Variants in PTER observed in about 807,000 individuals in gnomAD.
PTER encodes the protein N-acetyltaurine hydrolase.
A neutral mutation model predicts 29.6 loss-of-function variants in PTER; 38 were observed. The ratio of observed to expected loss-of-function variants is 1.28; its 90% CI spans 0.99 to 1.68. PTER has a LOEUF of 1.68. Ranked by LOEUF, PTER falls within the 40% of genes most tolerant of loss-of-function variation. PTER has a pLI of 0.00. For missense variants in PTER, 482 were observed against 427.8 expected (o/e 1.13, Z -1.12); for synonymous variants, 172 against 154.5 (o/e 1.11, Z -0.84).
chr10:16,443,780 G>A (rs539400503), intron 1 of PTER, among the ~76,000 whole-genome samples: 7 of 152,176 alleles, frequency 4.6e-5, no homozygotes, highest in Admixed American at 6.5e-5. Context: ...TTTCCTCTCC[G>A]AATCAGAAAC....
Position 16,446,238 on chromosome 10 carries a change from G to T in PTER, c.-49+9191G>T, listed in dbSNP as rs574264079. ...CCCCAACATTTTTTTTTTTTTTTGAGATAGAGTTGGTCTGTCGCCCAGGCT... is the reference window on the plus strand; with the variant it reads ...CCCCAACATTTTTTTTTTTTTTTGATATAGAGTTGGTCTGTCGCCCAGGCT... On this transcript the variant is annotated intron_variant, in intron 1 of 4. Transcript: ENST00000535784. 5.4e-4 allele frequency among the ~76,000 whole-genome samples: 79 copies of T among 146,658 alleles called. 1 individual carries two copies. The highest frequency in any genetic ancestry group is 6.0e-4 in the Non-Finnish European group (40 of 67,012).
chr10:16,481,484 A>G (rs753612017), intron 1 of PTER, among the ~76,000 whole-genome samples: 4 of 151,950 alleles, frequency 2.6e-5, no homozygotes, highest in Admixed American at 1.3e-4. Flanking sequence ...ACTCCACCCC[A>G]CTCAAAGACA....
chr10:16,440,032 A>AGT (rs1833790523), intron 1 of PTER, among the ~76,000 whole-genome samples: 1 of 147,926 alleles, frequency 6.8e-6, no homozygotes, highest in Non-Finnish European at 1.5e-5. Flanking sequence ...TGTTGTTTCT[A>AGT]GTGTATTTTC....
At chr10:16,477,239 G>A (rs1835302307) in intron 1 of PTER, among the ~76,000 whole-genome samples, 1 of 145,660 alleles carries the variant, frequency 6.9e-6, no homozygotes, top group African/African-American at 2.6e-5. Context: ...GATGTGAACT[G>A]GAAATTCATT....
chr10:16,474,155 T>A (rs1185859714), intron 1 of PTER, among the ~76,000 whole-genome samples: 6 of 152,136 alleles, frequency 3.9e-5, no homozygotes, highest in Admixed American at 3.9e-4. Context: ...AGTTAGACCC[T>A]TAACAGCCCA....
chr10:16,453,640 TAGTAA>T (rs1834291668), intron 1 of PTER, among the ~76,000 whole-genome samples: 1 of 152,236 alleles, frequency 6.6e-6, no homozygotes, highest in Non-Finnish European at 1.5e-5. Context: ...ACTAAGTTTA[TAGTAA>T]AGTAAATACT....
intron 3 of PTER, 66 bp downstream of exon 3, chr10:16,486,683 T>G: frequency 6.7e-7 from 1 of 1,493,550 alleles, no homozygotes; most frequent in Non-Finnish European, 9.0e-7. Context: ...AAATTAAGAA[T>G]CTACAGTAAT....
chr10:16,438,146 C>T (rs1833717939), intron 1 of PTER, among the ~76,000 whole-genome samples: 1 of 150,842 alleles, frequency 6.6e-6, no homozygotes, highest in Admixed American at 6.6e-5. Flanking sequence ...GCTGGGACTA[C>T]AGGCGCGCTC....
intron 1 of PTER, among the ~76,000 whole-genome samples, chr10:16,483,532 T>C (rs1835561771): frequency 1.3e-5 from 2 of 152,038 alleles, no homozygotes; most frequent in South Asian, 4.2e-4. Context: ...TTTGTTTGCT[T>C]GGGTAGTGGA....
chr10:16,514,796 G>A (rs1836923156), downstream of PTER: 1 of 937,712 alleles, frequency 1.1e-6, no homozygotes, highest in African/African-American at 1.7e-5. Context: ...AAGCTGACTT[G>A]CTGCCATAGT....
In PTER at chr10:16,505,100, T is replaced by C. The variant is rs1208496681; in HGVS notation, c.779T>C (p.Leu260Pro). 1.2e-6 allele frequency: 2 copies of C among 1,614,054 alleles called. No homozygotes were observed. Among genetic ancestry groups the C allele is most frequent in the Admixed American group, 1.7e-5 (1 of 60,032 alleles). The change falls in exon 4 of 5, where the codon CTA becomes CCA. Residue 260 changes from leucine (L) to proline (P), a missense_variant. Physicochemically the swap from Leu to Pro is moderately conservative, Grantham distance 98. Coordinates refer to ENST00000535784, the MANE Select transcript of PTER (RefSeq NM_001261836.2). ...YLEYDLFGTELLHYQLGPDID... is the reference protein window; with the variant it reads ...YLEYDLFGTEPLHYQLGPDID... ...GAATATGATCTCTTTGGTACTGAAC[T>C]ACTTCATTACCAACTCGGCCCAGAT...
chr10:16,442,953 C>T (rs1833897301), intron 1 of PTER, among the ~76,000 whole-genome samples: 2 of 152,074 alleles, frequency 1.3e-5, no homozygotes, highest in African/African-American at 4.8e-5. Context: ...GCCTGGGTGA[C>T]AGAGTGATAC....
chr10:16,505,585 T>A (rs768283671), intron 4 of PTER, among the ~76,000 whole-genome samples: 2 of 152,228 alleles, frequency 1.3e-5, no homozygotes, highest in Non-Finnish European at 2.9e-5. Context: ...AAAAAGGTGA[T>A]TTCAAGTTAA....
intron 1 of PTER, among the ~76,000 whole-genome samples, chr10:16,462,028 C>T (rs914487565): frequency 6.6e-6 from 1 of 151,520 alleles, no homozygotes; most frequent in African/African-American, 2.4e-5. Context: ...TCTTGTCACC[C>T]AGGCTGGAGT....
intron 2 of PTER, among the ~76,000 whole-genome samples, chr10:16,485,979 A>G (rs1204357714): frequency 6.6e-6 from 1 of 152,160 alleles, no homozygotes; most frequent in Non-Finnish European, 1.5e-5. Context: ...TACACGGGAC[A>G]TAGATTCAAT....
intron 1 of PTER, among the ~76,000 whole-genome samples, chr10:16,439,988 A>G (rs1465481948): frequency 1.3e-5 from 2 of 151,998 alleles, no homozygotes; most frequent in Non-Finnish European, 2.9e-5. Flanking sequence ...ATATTTTCAT[A>G]CATCAAATGT....
intron 2 of PTER, among the ~76,000 whole-genome samples, chr10:16,485,288 A>T (rs1279613020): frequency 6.6e-6 from 1 of 152,174 alleles, no homozygotes; most frequent in Admixed American, 6.5e-5. Context: ...AATATGTTTC[A>T]GTTTCCTTTC....
At chr10:16,465,225 A>T (rs2078518) in intron 1 of PTER, among the ~76,000 whole-genome samples, 3 of 151,918 alleles carry the variant, frequency 2.0e-5, no homozygotes, top group Non-Finnish European at 1.5e-5. Context: ...AAAAACGATG[A>T]GTGACTCATT....
Position 16,488,207 on chromosome 10 carries a change from A to G in PTER, c.698+1590A>G, listed in dbSNP as rs1835773635. On this transcript the variant is annotated intron_variant, in intron 3 of 4. Transcript: ENST00000535784. ...TGATAAAGTAGAGGCATGCTTCTAT[A>G]TACTGGTCACAGAGACAATGCATCA... Among the ~76,000 whole-genome samples, 9 of 152,312 alleles carry G rather than the reference A, an allele frequency of 5.9e-5. No individual in the cohort carries two copies. The South Asian group carries it at 1.9e-3, about 32-fold the overall frequency.
Sources: gnomAD v4.1 joint callset for allele counts (sites outside exome capture counted in the v4.1 genomes callset) on GRCh38, gnomAD v4.1.1 for gene constraint, MANE v1.5 for transcripts, NCBI Gene and HGNC (gene_info 2026-07-23, HGNC 2026-07-21) for gene names.